NTM: variants seen among roughly 807,000 people sequenced by gnomAD.
NTM encodes the protein IgLON family member 2.
A neutral mutation model predicts 42.1 loss-of-function variants in NTM; 13 were observed. The ratio of observed to expected loss-of-function variants is 0.31; its 90% CI spans 0.20 to 0.49. NTM has a LOEUF of 0.49. Among genes scored for constraint, NTM ranks in the 20% least tolerant of loss-of-function variants. The pLI, the probability that NTM is intolerant of heterozygous loss-of-function variation, is 0.99. For missense variants in NTM, 373 were observed against 452.8 expected, an observed-to-expected ratio of 0.82 and a Z score of 1.60; for synonymous variants, 187 against 179.2, an observed-to-expected ratio of 1.04 and a Z score of -0.35.
chr11:132,149,286 C>CA (rs1249814830), intron 3 of NTM, among the ~76,000 whole-genome samples: 3 of 148,180 alleles, frequency 2.0e-5, no homozygotes, highest in Non-Finnish European at 4.5e-5. Flanking sequence ...TTTATTATAC[C>CA]AAACATAAAC....
intron 2 of NTM, among the ~76,000 whole-genome samples, chr11:131,956,088 C>T (rs1720827064): frequency 6.6e-6 from 1 of 152,164 alleles, no homozygotes; most frequent in African/African-American, 2.4e-5. Flanking sequence ...GGGAGTCTGC[C>T]ATTGATTTTC....
intron 4 of NTM, among the ~76,000 whole-genome samples, chr11:132,236,960 C>T (rs1048254829): frequency 3.3e-5 from 5 of 152,166 alleles, no homozygotes; most frequent in African/African-American, 9.7e-5. Flanking sequence ...GGCCCAGATC[C>T]CCGGGCCCAG....
chr11:131,762,550 G>A (rs958850943), intron 1 of NTM, among the ~76,000 whole-genome samples: 6 of 152,220 alleles, frequency 3.9e-5, no homozygotes. Context: ...ACCTGAAGCC[G>A]GGCAGTCTGC....
At chr11:132,150,147 A>G (rs1430126662) in intron 3 of NTM, among the ~76,000 whole-genome samples, 1 of 152,184 alleles carries the variant, frequency 6.6e-6, no homozygotes, top group Non-Finnish European at 1.5e-5. Context: ...CAGTATATGC[A>G]GAATTGCATG....
At chr11:132,246,133 T>C (rs2091106046) in intron 4 of NTM, among the ~76,000 whole-genome samples, 1 of 152,202 alleles carries the variant, frequency 6.6e-6, no homozygotes, top group Non-Finnish European at 1.5e-5. Context: ...GGCTGTGCCC[T>C]GCAGGAGAAT....
intron 1 of NTM, among the ~76,000 whole-genome samples, chr11:131,584,507 C>A (rs999405379): frequency 6.6e-6 from 1 of 152,012 alleles, no homozygotes; most frequent in African/African-American, 2.4e-5. Flanking sequence ...CAAGCCGGGA[C>A]TATATGTGAG....
At chr11:131,524,454 C>T (rs988791603) in intron 1 of NTM, among the ~76,000 whole-genome samples, 4 of 152,236 alleles carry the variant, frequency 2.6e-5, no homozygotes, top group East Asian at 1.9e-4. Flanking sequence ...ATGTAATCCA[C>T]CTCTCAGCGA....
chr11:131,667,590 AC>A (rs984848654), intron 1 of NTM, among the ~76,000 whole-genome samples: 5 of 152,158 alleles, frequency 3.3e-5, no homozygotes, highest in African/African-American at 1.2e-4. Context: ...CCATGTGAGT[AC>A]TAATCCTGGT....
chr11:132,049,093 A>G lies in NTM; in HGVS notation c.168-97189A>G, dbSNP rs2078469020. Among the ~76,000 whole-genome samples the G allele has an allele frequency of 1.3e-5, 2 of 152,164 alleles. 1 individual carries two copies. The highest frequency in any genetic ancestry group is 4.1e-4 in the South Asian group (2 of 4,824). On this transcript the variant is annotated intron_variant, in intron 2 of 8. Transcript: ENST00000683400. ...AGGAAATGCAATTGAAGGGAAATAT[A>G]ATTGGAGGGAGATGTAGCCTCCTGA...
chr11:131,775,396 T>C (rs193266503), intron 1 of NTM, among the ~76,000 whole-genome samples: 1 of 152,216 alleles, frequency 6.6e-6, no homozygotes, highest in Non-Finnish European at 1.5e-5. Flanking sequence ...AGATTATGTG[T>C]CTCCTTCCTG....
intron 1 of NTM, among the ~76,000 whole-genome samples, chr11:131,719,905 G>T (rs991457457): frequency 1.3e-5 from 2 of 152,210 alleles, no homozygotes; most frequent in African/African-American, 4.8e-5. Context: ...ACTGTGCCCA[G>T]ATGGTGGACT....
At chr11:132,081,208 T>C (rs1387368669) in intron 2 of NTM, among the ~76,000 whole-genome samples, 1 of 152,160 alleles carries the variant, frequency 6.6e-6, no homozygotes, top group Non-Finnish European at 1.5e-5. Context: ...TGGTGAGACT[T>C]GGAAATGAGA....
intron 1 of NTM, among the ~76,000 whole-genome samples, chr11:131,616,776 GGGGTGTGTGTGTGTGT>G (rs1405808633): frequency 4.2e-5 from 6 of 143,176 alleles, no homozygotes; most frequent in African/African-American, 1.3e-4. Context: ...CTGTCTTGAG[GGGGTGTGTGTGTGTGT>G]GTGTGTGTGT....
chr11:132,255,269 C>G (rs2092382300), intron 4 of NTM, among the ~76,000 whole-genome samples: 1 of 152,138 alleles, frequency 6.6e-6, no homozygotes, highest in African/African-American at 2.4e-5. Flanking sequence ...TTTTAGCTGT[C>G]TTTTAGCTCT....
intron 2 of NTM, among the ~76,000 whole-genome samples, chr11:132,132,937 A>G (rs1039521136): frequency 8.5e-5 from 13 of 152,232 alleles, no homozygotes; most frequent in African/African-American, 3.1e-4. Flanking sequence ...AGTAACACCC[A>G]GTGCATTGTC....
At chr11:131,899,617 A>G (rs767567708) in intron 1 of NTM, among the ~76,000 whole-genome samples, 1 of 152,212 alleles carries the variant, frequency 6.6e-6, no homozygotes, top group Non-Finnish European at 1.5e-5. Flanking sequence ...AAGGTTACAG[A>G]TATATAGCAG....
At chr11:132,255,143 C>A (rs1383432133) in intron 4 of NTM, among the ~76,000 whole-genome samples, 1 of 152,164 alleles carries the variant, frequency 6.6e-6, no homozygotes, top group Non-Finnish European at 1.5e-5. Flanking sequence ...AGTGGAGACA[C>A]AAGAAGTGTG....
rs112489314 is a variant in NTM, at chr11:131,665,588, G to A, written c.83-245976G>A. Among the ~76,000 whole-genome samples, 1,404 of 152,302 alleles carry A rather than the reference G, an allele frequency of 9.2e-3. 23 individuals carry two copies. The highest frequency in any genetic ancestry group is 0.032 in the African/African-American group (1,317 of 41,576). On this transcript the variant is annotated intron_variant, in intron 1 of 8. Coordinates refer to ENST00000683400, the MANE Select transcript of NTM (RefSeq NM_001352005.2). Reference sequence around the variant, plus strand: ...TGTGAAGACACAGAGACGCCTAAGAGGAAACTGACACTGCTGACACATTGA... The same window carrying A: ...TGTGAAGACACAGAGACGCCTAAGAAGAAACTGACACTGCTGACACATTGA...
intron 2 of NTM, chr11:132,140,938 C>T (rs1326653640): frequency 6.6e-6 from 1 of 152,182 alleles, no homozygotes; most frequent in Non-Finnish European, 1.5e-5. Context: ...GGCGAAAGCA[C>T]TTATTTTGCT....
Sources: gnomAD v4.1 joint callset for allele counts (sites outside exome capture counted in the v4.1 genomes callset) on GRCh38, gnomAD v4.1.1 for gene constraint, MANE v1.5 for transcripts, NCBI Gene and HGNC (gene_info 2026-07-23, HGNC 2026-07-21) for gene names.